Variants in DCDC1 observed in about 807,000 individuals in gnomAD.
DCDC1 encodes doublecortin domain-containing protein 1.
Under a neutral mutation model 178.3 loss-of-function variants are expected in DCDC1, and 200 were observed. The observed-to-expected ratio is 1.12, with a 90% CI of 1.00 to 1.26. The LOEUF is 1.26. Among genes scored for constraint, DCDC1 ranks in the 50% most tolerant of loss-of-function variants. The pLI is 0.00. For missense variants in DCDC1, 1,983 were observed against 1,749.2 expected, an observed-to-expected ratio of 1.13 and a Z score of -2.38; for synonymous variants, 690 against 604.8, an observed-to-expected ratio of 1.14 and a Z score of -2.07.
At chr11:31,179,944 C>A (rs1443484874) in intron 9 of DCDC1, among the ~76,000 whole-genome samples, 1 of 152,174 alleles carries the variant, frequency 6.6e-6, no homozygotes, top group East Asian at 1.9e-4. Context: ...ACACCATAAT[C>A]AGGTAGGATT....
At chr11:31,365,169 T>TG (rs1297193602) in intron 1 of DCDC1, among the ~76,000 whole-genome samples, 1 of 152,124 alleles carries the variant, frequency 6.6e-6, no homozygotes, top group African/African-American at 2.4e-5. Context: ...TAACGGAGTG[T>TG]GGGGTACATA....
chr11:31,224,682 C>T (rs1974694497), intron 9 of DCDC1, among the ~76,000 whole-genome samples: 1 of 151,830 alleles, frequency 6.6e-6, no homozygotes, highest in Admixed American at 6.6e-5. Context: ...ATAATCCCAT[C>T]AAAGGGTGGG....
chr11:30,948,070 G>C (rs574535484), intron 21 of DCDC1, among the ~76,000 whole-genome samples: 2 of 152,250 alleles, frequency 1.3e-5, no homozygotes, highest in Admixed American at 6.5e-5. Context: ...AATTGTCTCT[G>C]TTTGCAGATA....
intron 25 of DCDC1, 23 bp downstream of exon 25, chr11:30,920,753 T>C (rs1946193216): frequency 6.2e-7 from 1 of 1,611,080 alleles, no homozygotes; most frequent in South Asian, 1.1e-5. Context: ...CAGGTAGCTT[T>C]TCAGGCTACA....
chr11:31,070,120 C>T (rs749932888), intron 18 of DCDC1, among the ~76,000 whole-genome samples: 1 of 152,176 alleles, frequency 6.6e-6, no homozygotes. Flanking sequence ...CCATTCCTTT[C>T]CCAGGTAATA....
intron 8 of DCDC1, among the ~76,000 whole-genome samples, chr11:31,250,674 C>T (rs1214483622): frequency 6.6e-6 from 1 of 151,606 alleles, no homozygotes; most frequent in Non-Finnish European, 1.5e-5. Flanking sequence ...TTTTAGAGCA[C>T]CCAAGAAGGA....
chr11:31,076,034 T>G (rs549249859), intron 18 of DCDC1, among the ~76,000 whole-genome samples: 6 of 152,230 alleles, frequency 3.9e-5, no homozygotes, highest in Admixed American at 2.6e-4. Context: ...TAATTTTGTA[T>G]TTTTAGTAGA....
intron 9 of DCDC1, among the ~76,000 whole-genome samples, chr11:31,204,283 A>G (rs1971625894): frequency 6.6e-6 from 1 of 152,208 alleles, no homozygotes; most frequent in African/African-American, 2.4e-5. Flanking sequence ...GAGCTAAAAT[A>G]ATTAATTTAA....
chr11:30,908,603 T>C (rs1590321332), intron 29 of DCDC1, among the ~76,000 whole-genome samples: 1 of 152,164 alleles, frequency 6.6e-6, no homozygotes, highest in South Asian at 2.1e-4. Flanking sequence ...TAATATAATG[T>C]CTGGGGTTGG....
chr11:31,065,101 T>C lies in DCDC1; in HGVS notation c.2351A>G (p.Asp784Gly), dbSNP rs778775006. The C allele has an allele frequency of 3.7e-5, 28 of 765,446 alleles. No individual in the cohort carries two copies. Among genetic ancestry groups the C allele is most frequent in the Admixed American group, 2.7e-4 (16 of 58,756 alleles). The allele number at this position is 765,446 out of a possible 1,614,324, so 47.4% of individuals were successfully genotyped here. Residue 784 changes from aspartate to glycine, a missense_variant, in exon 19 of 39, where the codon GAT becomes GGT. Physicochemically the swap from Asp to Gly is moderately conservative, Grantham distance 94 (BLOSUM62 -1). Transcript: ENST00000684477. ...AATGTGATACTCTGTCTGGGTCACA[T>C]CTACTTGTGCATTTAGCTCCTCTAG... is the stretch of plus-strand genomic sequence containing the variant. ...TYLEELNAQV[D>G]VTQTEYHIHH...
chr11:31,208,589 ACTC>A (rs749457243), intron 9 of DCDC1, among the ~76,000 whole-genome samples: 1 of 151,682 alleles, frequency 6.6e-6, no homozygotes, highest in South Asian at 2.1e-4. Context: ...CATGCTTAAA[ACTC>A]CTCAATACTT....
chr11:30,902,043 A>AAT (rs1209523442), intron 32 of DCDC1, among the ~76,000 whole-genome samples: 4 of 152,126 alleles, frequency 2.6e-5, no homozygotes, highest in African/African-American at 9.7e-5. Context: ...ACAGATATTG[A>AAT]ATATATATAC....
At chr11:31,342,522 C>T (rs1384166712) in intron 1 of DCDC1, among the ~76,000 whole-genome samples, 1 of 152,188 alleles carries the variant, frequency 6.6e-6, no homozygotes, top group Admixed American at 6.5e-5. Context: ...TCTGTTTATA[C>T]ATAGTTTAAT....
chr11:31,224,863 A>T (rs1311481296), intron 9 of DCDC1, among the ~76,000 whole-genome samples: 1 of 152,094 alleles, frequency 6.6e-6, no homozygotes, highest in African/African-American at 2.4e-5. Context: ...AAAATAATAG[A>T]TGTTAGCATG....
At position 30,889,895 on chromosome 11, in the gene DCDC1, G is replaced by A. The variant is rs535057074; in HGVS notation, c.5082+2923C>T. On this transcript the variant is annotated intron_variant, in intron 36 of 38. Coordinates refer to ENST00000684477, the MANE Select transcript of DCDC1 (RefSeq NM_001387274.1). Reference sequence around the variant, plus strand: ...ATGGTTAAGCCCTAACCGCTACTGTGACTATATTCGAAGATAGAGCCTTTA... The same window carrying A: ...ATGGTTAAGCCCTAACCGCTACTGTAACTATATTCGAAGATAGAGCCTTTA... Among the ~76,000 whole-genome samples, 21 of 152,308 alleles carry A rather than the reference G, an allele frequency of 1.4e-4. No individual in the cohort carries two copies. The East Asian group carries it at 4.1e-3, about 29-fold the overall frequency.
In DCDC1 at chr11:30,916,852, T is replaced by C; in HGVS notation, c.3452+18A>G. ...ACTAGACAGAAATCTTTAAGAGGAATCCTTTGCAACTTTTTACCTGTGTTT... is the reference window on the plus strand; with the variant it reads ...ACTAGACAGAAATCTTTAAGAGGAACCCTTTGCAACTTTTTACCTGTGTTT... On this transcript the variant is annotated intron_variant, in intron 26 of 38. Coordinates refer to ENST00000684477, the MANE Select transcript of DCDC1 (RefSeq NM_001387274.1). The C allele has an allele frequency of 1.3e-6, 2 of 1,585,662 alleles. No individual in the cohort carries two copies. Among genetic ancestry groups the C allele is most frequent in the Non-Finnish European group, 1.7e-6 (2 of 1,167,304 alleles).
intron 9 of DCDC1, among the ~76,000 whole-genome samples, chr11:31,170,527 C>T (rs757852543): frequency 9.2e-5 from 14 of 152,164 alleles, no homozygotes; most frequent in Non-Finnish European, 1.9e-4. Flanking sequence ...ACCCTTTTGT[C>T]AAAACCTACA....
intron 9 of DCDC1, among the ~76,000 whole-genome samples, chr11:31,240,363 AT>A (rs1274202610): frequency 6.6e-6 from 1 of 151,760 alleles, no homozygotes; most frequent in Non-Finnish European, 1.5e-5. Flanking sequence ...CTGTTTCTGG[AT>A]TTGCTGAATA....
intron 20 of DCDC1, among the ~76,000 whole-genome samples, chr11:31,030,871 AC>A (rs551975623): frequency 5.3e-5 from 8 of 149,604 alleles, no homozygotes; most frequent in East Asian, 1.9e-4. Context: ...AAAAAAAAAA[AC>A]CACTAATCTA....
Sources: allele counts gnomAD v4.1 joint callset (sites outside exome capture counted in the v4.1 genomes callset), GRCh38; gene constraint gnomAD v4.1.1; transcripts MANE v1.5; gene names NCBI Gene and HGNC (gene_info 2026-07-23, HGNC 2026-07-21).